Variants in CLHC1 observed in about 807,000 individuals in gnomAD.
CLHC1 encodes the protein clathrin heavy chain linker domain-containing protein 1.
In CLHC1, 72 loss-of-function variants were observed where a neutral mutation model predicts 69.5. That is an observed-to-expected ratio of 1.04 (90% CI 0.86 to 1.26). CLHC1 has a LOEUF of 1.26. Ranked by LOEUF, CLHC1 falls within the 50% of genes most tolerant of loss-of-function variation. The pLI is 0.00. For missense variants in CLHC1, 790 were observed against 679.3 expected, an observed-to-expected ratio of 1.16 and a Z score of -1.81; for synonymous variants, 223 against 224.3, an observed-to-expected ratio of 0.99 and a Z score of 0.05.
intron 3 of CLHC1, among the ~76,000 whole-genome samples, chr2:55,219,985 C>G (rs989739308): frequency 1.1e-4 from 17 of 152,166 alleles, no homozygotes; most frequent in South Asian, 4.1e-4. Context: ...ATGCTCCTAC[C>G]AATCCTCCCA....
intron 9 of CLHC1, among the ~76,000 whole-genome samples, chr2:55,183,820 C>CG (rs1442031980): frequency 6.6e-6 from 1 of 152,120 alleles, no homozygotes; most frequent in Non-Finnish European, 1.5e-5. Flanking sequence ...CTCGCTCCGT[C>CG]GCCAGGCTGG....
intron 1 of CLHC1, among the ~76,000 whole-genome samples, chr2:55,231,005 T>G (rs1675266449): frequency 6.6e-6 from 1 of 152,176 alleles, no homozygotes; most frequent in South Asian, 2.1e-4. Context: ...ATCTCACCAC[T>G]TTGGGAGGCC....
chr2:55,178,410 A>G (rs1217259689), intron 11 of CLHC1, among the ~76,000 whole-genome samples: 1 of 152,262 alleles, frequency 6.6e-6, no homozygotes, highest in African/African-American at 2.4e-5. Context: ...ACAATTCCAT[A>G]TGGGTTAATC....
intron 8 of CLHC1, 104 bp from the exon 9 acceptor site, chr2:55,206,480 T>C (rs1672460694): frequency 2.9e-6 from 2 of 680,818 alleles, no homozygotes; most frequent in East Asian, 2.7e-5. Context: ...CATAACGATA[T>C]GGAAAAACAA....
At chr2:55,206,950 CAA>C (rs34534420) in intron 8 of CLHC1, 8 of 129,438 alleles carry the variant, frequency 6.2e-5, no homozygotes, top group African/African-American at 5.7e-5. Flanking sequence ...ACTAAAAATA[CAA>C]AAAAAAAAAA....
At position 55,172,686 on chromosome 2, in the gene CLHC1, T is replaced by A. The variant is rs187383804; in HGVS notation, c.*3104A>T. 8.0e-6 allele frequency among the ~76,000 whole-genome samples: 1 copy of A among 125,276 alleles called. No individual in the cohort carries two copies. Among genetic ancestry groups the A allele is most frequent in the Non-Finnish European group, 1.7e-5 (1 of 60,344 alleles). 82.2% of individuals were successfully genotyped at this position (125,276 alleles called of 152,430 possible). A position where few individuals can be genotyped will look rare whatever the true frequency, so the allele number is the denominator to read the frequency against. On this transcript the variant is annotated 3_prime_UTR_variant, in exon 13 of 13. Coordinates refer to ENST00000401408, the MANE Select transcript of CLHC1 (RefSeq NM_152385.4). ...ATGGAAGAAATGTATGAGCTTTCTA[T>A]GAAATGTACAAAGTTAAAAAAAAAA...
rs142841060 is a variant in CLHC1, at chr2:55,202,697, G to C, written c.1006+3573C>G. 8.8e-4 allele frequency among the ~76,000 whole-genome samples: 134 copies of C among 152,138 alleles called. 2 individuals carry two copies. The East Asian group carries it at 0.026, about 29-fold the overall frequency. On this transcript the variant is annotated intron_variant, in intron 9 of 12. Transcript: ENST00000401408. ...TGATCACTTGAGGTCAGGAGTTCAA[G>C]ACCAGACTGGCCAACATGGCAAAAC... is the stretch of plus-strand genomic sequence containing the variant.
intron 9 of CLHC1, among the ~76,000 whole-genome samples, chr2:55,195,124 AACATGCTGTGCATTTATCCT>A (rs1671285193): frequency 6.6e-6 from 1 of 152,146 alleles, no homozygotes; most frequent in Non-Finnish European, 1.5e-5. Context: ...AACTATAGTC[AACATGCTGTGCATTTATCCT>A]ACATAACTCA....
chr2:55,199,186 A>C (rs1470890759), intron 9 of CLHC1, among the ~76,000 whole-genome samples: 2 of 147,308 alleles, frequency 1.4e-5, no homozygotes, highest in Non-Finnish European at 3.0e-5. Flanking sequence ...AGTCCCATCT[A>C]TTTGGGAGGC....
chr2:55,181,518 C>A (rs1165197254), intron 10 of CLHC1, 52 bp downstream of exon 10: 2 of 1,360,166 alleles, frequency 1.5e-6, no homozygotes, highest in Admixed American at 2.1e-5. Flanking sequence ...TTAGAACAAA[C>A]AACTTTATTA....
intron 9 of CLHC1, among the ~76,000 whole-genome samples, chr2:55,183,726 T>C (rs1670136811): frequency 6.6e-6 from 1 of 152,230 alleles, no homozygotes; most frequent in Admixed American, 6.5e-5. Context: ...AATTATCAGC[T>C]GGTCTTAACC....
rs1672562318 is a variant in CLHC1, at chr2:55,207,486, C to T, written c.900-1110G>A. 3.3e-5 allele frequency among the ~76,000 whole-genome samples: 5 copies of T among 152,184 alleles called. No homozygotes were observed. The South Asian group carries it at 8.3e-4, about 25-fold the overall frequency. On this transcript the variant is annotated intron_variant, in intron 8 of 12. Coordinates refer to ENST00000401408, the MANE Select transcript of CLHC1 (RefSeq NM_152385.4). ...GAAGCATTACAGTGTAAGGAAATAA[C>T]ATGAGCTTTTGTGCTCTGCCCAAAA...
At chr2:55,216,291 CAAAA>C (rs552944752) in intron 4 of CLHC1, among the ~76,000 whole-genome samples, 1 of 107,132 alleles carries the variant, frequency 9.3e-6, no homozygotes, top group African/African-American at 3.5e-5. Flanking sequence ...AACTCCGTCT[CAAAA>C]AAAAAAAAAG....
chr2:55,209,596 C>G (rs1011452914), intron 6 of CLHC1, 34 bp downstream of exon 6: 2 of 1,601,842 alleles, frequency 1.2e-6, no homozygotes, highest in Non-Finnish European at 1.7e-6. Context: ...AAATAAAACT[C>G]CAAACTTTAA....
chr2:55,202,428 T>C (rs1355186607), intron 9 of CLHC1, among the ~76,000 whole-genome samples: 1 of 151,324 alleles, frequency 6.6e-6, no homozygotes. Flanking sequence ...TGGTGGCAGG[T>C]GCCTGTAATC....
chr2:55,224,342 C>A, intron 2 of CLHC1: 1 of 456,166 alleles, frequency 2.2e-6, no homozygotes, highest in Non-Finnish European at 4.5e-6. Context: ...CACGCCTTGA[C>A]AGCTCCCTCC....
intron 9 of CLHC1, among the ~76,000 whole-genome samples, chr2:55,184,344 A>G (rs1670215989): frequency 6.6e-6 from 1 of 151,962 alleles, no homozygotes; most frequent in African/African-American, 2.4e-5. Flanking sequence ...GGGCCAAGCA[A>G]TCTGCCTGCC....
chr2:55,202,954 A>G (rs1466515921), intron 9 of CLHC1, among the ~76,000 whole-genome samples: 1 of 152,170 alleles, frequency 6.6e-6, no homozygotes, highest in African/African-American at 2.4e-5. Flanking sequence ...TGAAAGATAC[A>G]AAATCAACAT....
chr2:55,231,609 G>A (rs1675370946), intron 1 of CLHC1, among the ~76,000 whole-genome samples: 1 of 152,194 alleles, frequency 6.6e-6, no homozygotes, highest in African/African-American at 2.4e-5. Context: ...TGGGGTCGCA[G>A]AGGGCAGAGG....
Sources: allele counts gnomAD v4.1 joint callset (sites outside exome capture counted in the v4.1 genomes callset), GRCh38; gene constraint gnomAD v4.1.1; transcripts MANE v1.5; gene names NCBI Gene and HGNC (gene_info 2026-07-23, HGNC 2026-07-21).